Variants in AKAP9 observed in about 807,000 individuals in gnomAD.
AKAP9 encodes the protein A-kinase anchoring protein 9.
A neutral mutation model predicts 488.5 loss-of-function variants in AKAP9; 311 were observed. The observed-to-expected ratio is 0.64, with a 90% confidence interval of 0.58 to 0.70. AKAP9 has a LOEUF of 0.70. Ranked by LOEUF, AKAP9 falls within the 30% of genes least tolerant of loss-of-function variation. The pLI is 0.00. For missense variants in AKAP9, 4,215 were observed against 4,374.5 expected (o/e 0.96, Z 1.03); for synonymous variants, 1,462 against 1,483.5 (o/e 0.99, Z 0.33).
intron 13 of AKAP9, 106 bp from the exon 14 acceptor site, chr7:92,022,708 A>G (rs1424307631): frequency 2.5e-6 from 2 of 794,988 alleles, no homozygotes; most frequent in Non-Finnish European, 4.0e-6. Context: ...CACTAAAAAC[A>G]TACTTTTTCA....
chr7:92,095,871 G>C (rs1359943962), intron 40 of AKAP9, among the ~76,000 whole-genome samples: 1 of 152,072 alleles, frequency 6.6e-6, no homozygotes, highest in African/African-American at 2.4e-5. Context: ...TATCTCCCTA[G>C]GTACCAATTA....
rs757953782 is a variant in AKAP9 at position 91,973,755 on chromosome 7, T to G, written c.93T>G (p.Ser31Arg). 2.5e-6 allele frequency: 4 copies of G among 1,613,982 alleles called. No homozygotes were observed. In the Admixed American group the frequency reaches 6.7e-5, roughly 27 times the overall value. ...RQRKAQSDGQSPSKKQKKKRK... is the reference protein window; with the variant it reads ...RQRKAQSDGQRPSKKQKKKRK... ...GAAAAGCTCAGTCGGATGGGCAGAG[T>G]CCTTCCAAGAAGCAGAAAAAAAAGA... Residue 31 changes from serine (S) to arginine (R), a missense_variant, in exon 2 of 50, where the codon AGT becomes AGG. Ser to Arg is a moderately radical substitution (Grantham distance 110). Around this residue, in one of 5 missense-constraint regions of AKAP9, gnomAD observed 2,361 missense variants for 2,430.0 expected, o/e 0.97. Transcript: ENST00000356239.
At chr7:92,007,292 T>C (rs1261202986) in intron 8 of AKAP9, among the ~76,000 whole-genome samples, 1 of 132,784 alleles carries the variant, frequency 7.5e-6, no homozygotes, top group African/African-American at 2.8e-5. Flanking sequence ...TTTTTTTTTT[T>C]TTTTTTTTTT....
At chr7:92,025,911 C>T (rs774194869) in intron 14 of AKAP9, among the ~76,000 whole-genome samples, 30 of 152,128 alleles carry the variant, frequency 2.0e-4, no homozygotes, top group Non-Finnish European at 3.5e-4. Flanking sequence ...AATAATTTTT[C>T]GAAGGTAATG....
Position 92,056,820 on chromosome 7 carries a change from T to G in AKAP9, c.5601+3862T>G, listed in dbSNP as rs139788430. On this transcript the variant is annotated intron_variant, in intron 22 of 49. Transcript: ENST00000356239. ...TTGTGTTGGTATTACCTACCTTCTTTAGCATGGGTTTTTCCATTTAAATAA... is the reference window on the plus strand; with the variant it reads ...TTGTGTTGGTATTACCTACCTTCTTGAGCATGGGTTTTTCCATTTAAATAA... Among the ~76,000 whole-genome samples, 21 of 152,092 alleles carry G rather than the reference T, an allele frequency of 1.4e-4. No individual in the cohort carries two copies. In the East Asian group the frequency reaches 4.1e-3, roughly 29 times the overall value.
intron 48 of AKAP9, 138 bp downstream of exon 48, chr7:92,107,560 A>C (rs7802788): frequency 2.2e-6 from 2 of 888,918 alleles, no homozygotes; most frequent in African/African-American, 3.3e-5. Flanking sequence ...AATATGACCA[A>C]GTGCGGTGGC....
chr7:92,057,917 T>C (rs992412459), intron 22 of AKAP9: 1 of 227,396 alleles, frequency 4.4e-6, no homozygotes, highest in Non-Finnish European at 8.7e-6. Flanking sequence ...TTGTTTTGGT[T>C]TGGGTTTTTT....
At chr7:91,961,463 TCA>T (rs1294660199) in intron 1 of AKAP9, among the ~76,000 whole-genome samples, 1 of 151,742 alleles carries the variant, frequency 6.6e-6, no homozygotes, top group Non-Finnish European at 1.5e-5. Context: ...CAGGTGTGAG[TCA>T]CCACACCTGG....
In AKAP9 at chr7:92,071,028, A is replaced by G; in HGVS notation, c.6612+19A>G. 1 of 1,534,566 alleles carries G rather than the reference A, an allele frequency of 6.5e-7. No homozygotes were observed. The highest frequency in any genetic ancestry group is 9.0e-7 in the Non-Finnish European group (1 of 1,107,528). On this transcript the variant is annotated intron_variant, in intron 28 of 49. Coordinates refer to ENST00000356239, the MANE Select transcript of AKAP9 (RefSeq NM_005751.5). ...AAAAGAGGTAAGGAGTTTATTTTTA[A>G]ATGACACAGCGTGGTTTGAATTATT...
chr7:92,041,185 G>A (rs974361251), intron 18 of AKAP9: 4 of 356,572 alleles, frequency 1.1e-5, no homozygotes, highest in African/African-American at 2.1e-5. Flanking sequence ...GTGGCTACAC[G>A]GTTTTGTTTT....
intron 31 of AKAP9, among the ~76,000 whole-genome samples, chr7:92,081,497 A>ATTTTTT (rs376611467): frequency 2.7e-4 from 23 of 85,374 alleles, no homozygotes; most frequent in South Asian, 4.1e-4. Flanking sequence ...ATATATATAT[A>ATTTTTT]TTTTTTTTTT....
chr7:91,996,164 G>A (rs189339773), intron 7 of AKAP9: 7 of 263,892 alleles, frequency 2.7e-5, no homozygotes, highest in African/African-American at 9.0e-5. Context: ...GAAAAAAATT[G>A]AATGTAGTCA....
intron 37 of AKAP9, among the ~76,000 whole-genome samples, chr7:92,086,759 C>A (rs963216082): frequency 2.0e-5 from 3 of 152,140 alleles, no homozygotes; most frequent in Non-Finnish European, 4.4e-5. Flanking sequence ...GGTTAGGTTC[C>A]TGTAAGCCTT....
At chr7:92,104,978 T>C (rs1043880989) in intron 46 of AKAP9, among the ~76,000 whole-genome samples, 14 of 152,196 alleles carry the variant, frequency 9.2e-5, no homozygotes, top group African/African-American at 2.9e-4. Context: ...AGAGGCTTCA[T>C]GAGAGCGGTG....
At position 92,029,951 on chromosome 7, in the gene AKAP9, C is replaced by G. The variant is rs1803949284; in HGVS notation, c.4205C>G (p.Pro1402Arg). ...TESDAQRTMY[P>R]GSCVKKNIDG... is the part of the protein sequence containing the mutation. ...TCTGATGCACAGAGAACAATGTACC[C>G]TGGAAGTTGTGTGAAAAAGAATATT... The change falls in exon 15 of 50, where the codon CCT (proline) becomes CGT (arginine). Residue 1402 changes from proline (P) to arginine (R), a missense_variant. By Grantham distance (103) the Pro-to-Arg change is moderately radical. Transcript: ENST00000356239. 6.2e-7 allele frequency: 1 copy of G among 1,612,972 alleles called. No individual in the cohort carries two copies. The highest frequency in any genetic ancestry group is 2.2e-5 in the East Asian group (1 of 44,786).
intron 22 of AKAP9, among the ~76,000 whole-genome samples, chr7:92,054,519 T>C (rs1584341809): frequency 6.6e-6 from 1 of 152,184 alleles, no homozygotes; most frequent in East Asian, 1.9e-4. Context: ...GGGGACCAAG[T>C]AAAGTTTACT....
In AKAP9 at chr7:92,089,410, A is replaced by T; in HGVS notation, c.9239A>T (p.Glu3080Val). Residue 3080 changes from glutamate (E) to valine (V), a missense_variant, in exon 38 of 50, where the codon GAA becomes GTA. By Grantham distance (121) the Glu-to-Val change is moderately radical. Coordinates refer to ENST00000356239, the MANE Select transcript of AKAP9 (RefSeq NM_005751.5). ...GGTGTTGAATATCAAGCAGCTATGG[A>T]ATGCCTCCAGAAAGCAGATAGAAGG... ...EQGVEYQAAM[E>V]CLQKADRRSL... The T allele has an allele frequency of 6.2e-7, 1 of 1,611,954 alleles. No individual in the cohort carries two copies. The highest frequency in any genetic ancestry group is 8.5e-7 in the Non-Finnish European group (1 of 1,179,734).
intron 1 of AKAP9, among the ~76,000 whole-genome samples, chr7:91,967,969 C>G (rs563171337): frequency 9.9e-5 from 15 of 152,176 alleles, no homozygotes; most frequent in African/African-American, 3.6e-4. Context: ...GTGATTGGGT[C>G]TCCTGTTGCC....
intron 30 of AKAP9, among the ~76,000 whole-genome samples, 161 bp downstream of exon 30, chr7:92,078,036 G>C (rs141830314): frequency 6.6e-6 from 1 of 151,278 alleles, no homozygotes; most frequent in East Asian, 1.9e-4. Flanking sequence ...TCGCTCTGTC[G>C]CCCAGGCTGG....
Sources: allele counts gnomAD v4.1 joint callset (sites outside exome capture counted in the v4.1 genomes callset), GRCh38; gene constraint gnomAD v4.1.1; regional missense constraint gnomAD v4.1.1; transcripts MANE v1.5; gene names NCBI Gene and HGNC (gene_info 2026-07-23, HGNC 2026-07-21).